Variants in GPHN observed in about 807,000 individuals in gnomAD.
GPHN encodes the protein gephyrin.
GPHN carries 17 observed loss-of-function variants against 95.5 expected under a neutral mutation model. The ratio of observed to expected loss-of-function variants is 0.18; its 90% CI spans 0.12 to 0.27. The LOEUF is 0.27. GPHN is among the 10% of genes least tolerant of loss of function. The probability of loss-of-function intolerance (pLI) is 1.00; values close to 1 mark genes in which losing one functional copy is unlikely to be tolerated. For missense variants in GPHN, 660 were observed against 978.1 expected (o/e 0.67, Z 4.34); for synonymous variants, 320 against 322.5 (o/e 0.99, Z 0.08).
the GPHN span, among the ~76,000 whole-genome samples, chr14:67,544,710 A>G: frequency 7.2e-5 from 11 of 152,244 alleles, no homozygotes; most frequent in African/African-American, 2.7e-4. Flanking sequence ...TTAATAAGTG[A>G]AAGTGTTTTT....
chr14:67,010,234 G>T (rs575331790), intron 9 of GPHN, among the ~76,000 whole-genome samples: 1 of 151,976 alleles, frequency 6.6e-6, no homozygotes, highest in African/African-American at 2.4e-5. Context: ...AGAAAGTAGG[G>T]AGTTCTACAG....
intron 4 of GPHN, among the ~76,000 whole-genome samples, chr14:66,877,017 G>A (rs757843001): frequency 3.3e-5 from 5 of 152,086 alleles, no homozygotes; most frequent in Non-Finnish European, 5.9e-5. Flanking sequence ...AAATCCAGCA[G>A]CACATCAAAA....
At chr14:67,583,734 A>G in the GPHN span, 18 of 1,609,090 alleles carry the variant, frequency 1.1e-5, no homozygotes, top group Non-Finnish European at 1.5e-5. Context: ...ATATGCTTCT[A>G]CCACAGGTAG....
chr14:67,513,204 G>C, the GPHN span, among the ~76,000 whole-genome samples: 1 of 152,198 alleles, frequency 6.6e-6, no homozygotes, highest in Non-Finnish European at 1.5e-5. Context: ...GAGGCTCGGA[G>C]GTCAGGCCTC....
intron 8 of GPHN, among the ~76,000 whole-genome samples, chr14:66,964,885 G>C (rs1567159363): frequency 6.6e-6 from 1 of 152,138 alleles, no homozygotes. Flanking sequence ...TAAATAGCTT[G>C]CTCAAGATTT....
chr14:66,931,226 G>A (rs1042642412), intron 8 of GPHN, among the ~76,000 whole-genome samples: 1 of 151,956 alleles, frequency 6.6e-6, no homozygotes, highest in Admixed American at 6.6e-5. Flanking sequence ...AGACATATTG[G>A]ACCTCCTTTA....
chr14:67,562,648 T>C, the GPHN span: 5 of 1,612,792 alleles, frequency 3.1e-6, no homozygotes, highest in African/African-American at 5.3e-5. Context: ...AGGTGGGCCA[T>C]GGGCACTTTG....
chr14:67,382,683 ATAT>A, the GPHN span: 5 of 1,420,970 alleles, frequency 3.5e-6, no homozygotes, highest in Admixed American at 8.5e-5. Flanking sequence ...TTGGAATGTC[ATAT>A]TGTAGGATGG....
intron 1 of GPHN, among the ~76,000 whole-genome samples, chr14:66,662,280 G>C (rs951779259): frequency 2.6e-5 from 4 of 151,992 alleles, no homozygotes; most frequent in Non-Finnish European, 5.9e-5. Context: ...CAGCAACCAG[G>C]TCTGTACCCC....
chr14:66,644,699 A>G (rs1027883715), intron 1 of GPHN, among the ~76,000 whole-genome samples: 3 of 152,144 alleles, frequency 2.0e-5, no homozygotes, highest in Non-Finnish European at 4.4e-5. Context: ...TCACACATCT[A>G]TTAAATGTAT....
intron 10 of GPHN, among the ~76,000 whole-genome samples, chr14:67,053,283 T>C (rs2075397820): frequency 6.8e-6 from 1 of 147,436 alleles, no homozygotes; most frequent in Non-Finnish European, 1.5e-5. Flanking sequence ...AAAGGGGATA[T>C]CACCACTGAC....
chr14:66,546,313 C>T (rs2059593188), intron 1 of GPHN, among the ~76,000 whole-genome samples: 2 of 151,726 alleles, frequency 1.3e-5, no homozygotes. Context: ...AGGGGCTCCT[C>T]ACGTCCCAGA....
At chr14:66,575,965 A>T (rs1203804125) in intron 1 of GPHN, among the ~76,000 whole-genome samples, 1 of 152,028 alleles carries the variant, frequency 6.6e-6, no homozygotes, top group African/African-American at 2.4e-5. Context: ...GATCTGTGGG[A>T]GACAGACTGA....
chr14:66,612,435 A>C (rs888073185), intron 1 of GPHN, among the ~76,000 whole-genome samples: 1 of 152,022 alleles, frequency 6.6e-6, no homozygotes, highest in African/African-American at 2.4e-5. Flanking sequence ...TTTAGGGACT[A>C]TACAAAATAA....
the GPHN span, chr14:67,727,990 C>T: frequency 6.6e-6 from 1 of 152,500 alleles, no homozygotes; most frequent in African/African-American, 2.4e-5. Flanking sequence ...TCTTGCTCTA[C>T]CACATGCTAG....
At chr14:67,678,691 T>A in the GPHN span, among the ~76,000 whole-genome samples, 2 of 152,180 alleles carry the variant, frequency 1.3e-5, no homozygotes, top group Non-Finnish European at 2.9e-5. Context: ...ATTCCCCTAT[T>A]TATATAATTT....
At chr14:66,665,204 C>T (rs184732101) in intron 1 of GPHN, among the ~76,000 whole-genome samples, 9 of 152,262 alleles carry the variant, frequency 5.9e-5, no homozygotes, top group African/African-American at 1.7e-4. Flanking sequence ...AGGCCAATAT[C>T]CTTGATGAAT....
At chr14:67,146,870 C>T (rs939046993) in intron 18 of GPHN, among the ~76,000 whole-genome samples, 69 of 152,214 alleles carry the variant, frequency 4.5e-4, no homozygotes, top group African/African-American at 1.5e-3. Flanking sequence ...CCCACCTCTA[C>T]TAAAAATAAA....
intron 2 of GPHN, among the ~76,000 whole-genome samples, chr14:66,761,281 G>T (rs1410283017): frequency 4.6e-5 from 7 of 152,056 alleles, no homozygotes; most frequent in African/African-American, 1.7e-4. Context: ...GATGTAAAAT[G>T]GTTATGCCAT....
Sources: allele counts gnomAD v4.1 joint callset (sites outside exome capture counted in the v4.1 genomes callset), GRCh38; gene constraint gnomAD v4.1.1; transcripts MANE v1.5; gene names NCBI Gene and HGNC (gene_info 2026-07-23, HGNC 2026-07-21).